RBFOX1: variants seen among roughly 807,000 people sequenced by gnomAD.
RBFOX1 encodes RNA binding protein fox-1 homolog 1.
A neutral mutation model predicts 57.7 loss-of-function variants in RBFOX1; 8 were observed. The observed-to-expected ratio is 0.14, with a 90% CI of 0.08 to 0.25. RBFOX1 has a LOEUF of 0.25. Among genes scored for constraint, RBFOX1 ranks in the 10% least tolerant of loss-of-function variants. The pLI is 1.00. For synonymous variants in RBFOX1, 326 were observed against 222.4 expected, an observed-to-expected ratio of 1.47 and a Z score of -4.15; for missense variants, 611 against 548.5, an observed-to-expected ratio of 1.11 and a Z score of -1.14.
chr16:6,899,994 G>C (rs1402103252), intron 3 of RBFOX1, among the ~76,000 whole-genome samples: 1 of 152,160 alleles, frequency 6.6e-6, no homozygotes, highest in Non-Finnish European at 1.5e-5. Context: ...CTGTGCTTCT[G>C]TTTCCTTATT....
chr16:6,153,049 T>TTTG (rs57833374), intron 1 of RBFOX1, among the ~76,000 whole-genome samples: 2 of 146,570 alleles, frequency 1.4e-5, no homozygotes, highest in African/African-American at 5.3e-5. Flanking sequence ...TTTTTTTTTT[T>TTTG]GTTAATTTTA....
chr16:5,440,015 A>G (rs990826521), intron 1 of RBFOX1, among the ~76,000 whole-genome samples: 1 of 152,200 alleles, frequency 6.6e-6, no homozygotes, highest in Admixed American at 6.5e-5. Context: ...TGTTAACACC[A>G]TTTGATAGTA....
At chr16:7,168,658 C>T (rs1170849574) in intron 4 of RBFOX1, among the ~76,000 whole-genome samples, 2 of 152,136 alleles carry the variant, frequency 1.3e-5, no homozygotes, top group African/African-American at 2.4e-5. Context: ...GAGAAGCCTC[C>T]ACCACTTCTA....
chr16:6,454,226 G>A (rs1348307290), intron 2 of RBFOX1, among the ~76,000 whole-genome samples: 2 of 152,156 alleles, frequency 1.3e-5, no homozygotes, highest in Non-Finnish European at 2.9e-5. Flanking sequence ...ATTTGGGAGT[G>A]GGGCAAGTAT....
At chr16:6,598,223 A>G (rs1053311181) in intron 2 of RBFOX1, among the ~76,000 whole-genome samples, 4 of 152,240 alleles carry the variant, frequency 2.6e-5, no homozygotes, top group East Asian at 1.9e-4. Flanking sequence ...CAGACACTAT[A>G]TAGTTTCTAA....
intron 1 of RBFOX1, among the ~76,000 whole-genome samples, chr16:6,258,431 C>T (rs746334097): frequency 7.2e-5 from 11 of 152,082 alleles, no homozygotes; most frequent in Non-Finnish European, 1.3e-4. Flanking sequence ...ATTGTGTGCC[C>T]GTGTGTGCAC....
chr16:5,620,832 C>G (rs1243739417), intron 3 of RBFOX1, among the ~76,000 whole-genome samples: 2 of 152,024 alleles, frequency 1.3e-5, no homozygotes, highest in African/African-American at 2.4e-5. Context: ...GCATGTGCCA[C>G]TACACTCAAT....
rs139826145 is a variant in RBFOX1, at chr16:5,941,454, C to T, written c.351+74119C>T. Among the ~76,000 whole-genome samples the T allele has an allele frequency of 1.9e-3, 285 of 150,410 alleles. 1 individual carries two copies. The highest frequency in any genetic ancestry group is 2.6e-3 in the Non-Finnish European group (175 of 67,736). On this transcript the variant is annotated intron_variant, in intron 4 of 19. Transcript: ENST00000641259. ...GCAGTGAGCTATGATAGCTCTTCTG[C>T]GCTCCAGCCTGGGTGACAAAGCAAG...
intron 3 of RBFOX1, among the ~76,000 whole-genome samples, chr16:6,986,764 G>GTTGCCTCCTCCAC (rs1177953181): frequency 6.6e-6 from 1 of 152,076 alleles, no homozygotes; most frequent in African/African-American, 2.4e-5. Flanking sequence ...CTGGATGCCA[G>GTTGCCTCCTCCAC]TTGCCTCCTC....
chr16:7,023,564 T>TTAAAAAAAAAAAAAAAA (rs71408495), intron 3 of RBFOX1, among the ~76,000 whole-genome samples: 1 of 43,916 alleles, frequency 2.3e-5, no homozygotes. Context: ...TCGTCTGTAC[T>TTAAAAAAAAAAAAAAAA]AAAAAAAAAA....
Position 5,625,475 on chromosome 16 carries a change from G to A in RBFOX1, c.318+26514G>A, listed in dbSNP as rs139770012. Among the ~76,000 whole-genome samples the A allele has an allele frequency of 1.6e-4, 24 of 152,140 alleles. No homozygotes were observed. The Middle Eastern group carries it at 0.01, about 65-fold the overall frequency. ...CACTGGTGTGCCTGACCGCTGCACC[G>A]TTCTTCATAACCAGTCAAGTTTTGC... On this transcript the variant is annotated intron_variant, in intron 3 of 19. Coordinates refer to the RBFOX1 transcript ENST00000641259.
chr16:7,667,124 A>G (rs180783235), intron 13 of RBFOX1, among the ~76,000 whole-genome samples: 1 of 152,360 alleles, frequency 6.6e-6, no homozygotes, highest in East Asian at 1.9e-4. Flanking sequence ...ATATGAATTT[A>G]GAGATTTGAT....
chr16:5,359,618 G>C (rs143060420), intron 1 of RBFOX1, among the ~76,000 whole-genome samples: 1 of 152,182 alleles, frequency 6.6e-6, no homozygotes, highest in Non-Finnish European at 1.5e-5. Context: ...CTGCTTTTGA[G>C]ATATGTCTAT....
chr16:5,968,430 A>C (rs957154051), intron 4 of RBFOX1, among the ~76,000 whole-genome samples: 1 of 152,084 alleles, frequency 6.6e-6, no homozygotes, highest in African/African-American at 2.4e-5. Flanking sequence ...GAGTTACTGC[A>C]TGTTGTTTAC....
intron 1 of RBFOX1, among the ~76,000 whole-genome samples, chr16:6,204,641 T>C (rs1198200925): frequency 1.3e-5 from 2 of 152,172 alleles, no homozygotes; most frequent in Admixed American, 1.3e-4. Context: ...TAGGCACATA[T>C]ACAGTGTCCT....
intron 3 of RBFOX1, among the ~76,000 whole-genome samples, chr16:6,880,081 A>G (rs2062622437): frequency 6.6e-6 from 1 of 152,104 alleles, no homozygotes; most frequent in Non-Finnish European, 1.5e-5. Context: ...CTTTCTCCTT[A>G]GGGATGTTCC....
chr16:7,548,841 A>G (rs1339858149), intron 5 of RBFOX1, among the ~76,000 whole-genome samples: 13 of 152,300 alleles, frequency 8.5e-5, no homozygotes, highest in Non-Finnish European at 2.9e-5. Flanking sequence ...GCATGATGGC[A>G]TGTTCCTGCC....
At chr16:7,670,604 G>A (rs3785210) in intron 13 of RBFOX1, among the ~76,000 whole-genome samples, 16,314 of 152,120 alleles carry the variant, frequency 0.11, 1,198 homozygotes, top group East Asian at 0.34. Flanking sequence ...AACTAGGAGC[G>A]AAAGGAGGAG....
chr16:7,244,119 A>G lies in RBFOX1; in HGVS notation c.27+192021A>G, dbSNP rs1223058363. On this transcript the variant is annotated intron_variant, in intron 4 of 15. Transcript: ENST00000550418. ...GTTTCTTAGGTCAGTCTACAGCTCA[A>G]TCTTAAACAGCAGTATTGTCATCAA... Among the ~76,000 whole-genome samples, 5 of 152,128 alleles carry G rather than the reference A, an allele frequency of 3.3e-5. No individual in the cohort carries two copies. In the South Asian group the frequency reaches 6.2e-4, roughly 19 times the overall value.
Sources: gnomAD v4.1 joint callset for allele counts (sites outside exome capture counted in the v4.1 genomes callset) on GRCh38, gnomAD v4.1.1 for gene constraint, MANE v1.5 for transcripts, NCBI Gene and HGNC (gene_info 2026-07-23, HGNC 2026-07-21) for gene names.